COL4A3: variants seen among roughly 807,000 people sequenced by gnomAD.
COL4A3 encodes the protein collagen type IV alpha 3 chain.
COL4A3 carries 135 observed loss-of-function variants against 217.4 expected under a neutral mutation model. The ratio of observed to expected loss-of-function variants is 0.62; its 90% CI spans 0.54 to 0.72. COL4A3 has a LOEUF of 0.72. Among genes scored for constraint, COL4A3 ranks in the 30% least tolerant of loss-of-function variants. The pLI is 0.00. For synonymous variants in COL4A3, 690 were observed against 736.3 expected, an observed-to-expected ratio of 0.94 and a Z score of 1.02; for missense variants, 1,868 against 2,119.9, an observed-to-expected ratio of 0.88 and a Z score of 2.33.
rs897843395 is a variant in COL4A3 at position 227,271,078 on chromosome 2, C to T, written c.1758+126C>T. ...TCATCACTCTAACTGCAGAATGAAA[C>T]ATCTTCAAATTAGCAGGAATAACCC... On this transcript the variant is annotated intron_variant, in intron 25 of 51. Transcript: ENST00000396578. The T allele has an allele frequency of 8.4e-6, 7 of 829,320 alleles. No homozygotes were observed. In the African/African-American group the frequency reaches 1.2e-4, roughly 14 times the overall value. 51.4% of individuals were successfully genotyped at this position (829,320 alleles called of 1,614,324 possible).
chr2:227,281,295 T>C (rs767208133), intron 31 of COL4A3, among the ~76,000 whole-genome samples: 2 of 152,200 alleles, frequency 1.3e-5, no homozygotes, highest in Non-Finnish European at 2.9e-5. Flanking sequence ...TACATATATT[T>C]ATATACATAT....
chr2:227,289,911 C>A, intron 35 of COL4A3, 88 bp from the exon 36 acceptor site: 2 of 1,304,062 alleles, frequency 1.5e-6, no homozygotes, highest in Non-Finnish European at 2.2e-6. Context: ...GTTCTGCATT[C>A]ATTCATGCAT....
At chr2:227,206,303 C>A (rs1256305267) in intron 1 of COL4A3, among the ~76,000 whole-genome samples, 2 of 152,162 alleles carry the variant, frequency 1.3e-5, no homozygotes, top group Admixed American at 1.3e-4. Flanking sequence ...CAACTCCTGA[C>A]CTCAAGTGAT....
In COL4A3 at chr2:227,313,324, G is replaced by GT. The variant is rs2073806861; in HGVS notation, c.*1456dup. On this transcript the variant is annotated 3_prime_UTR_variant, in exon 52 of 52. Transcript: ENST00000396578. The stretch of plus-strand genomic sequence containing the variant: ...GATAATTCAGCAGGCCCAAGTAAAG[G>GT]TTAAAAATAAGGTCTATGCCTAGGG... The GT allele has an allele frequency of 6.6e-6, 1 of 152,544 alleles. No homozygotes were observed. The highest frequency in any genetic ancestry group is 1.5e-5 in the Non-Finnish European group (1 of 68,024). The allele number at this position is 152,544 out of a possible 1,614,324, so 9.4% of individuals were successfully genotyped here.
intron 1 of COL4A3, among the ~76,000 whole-genome samples, chr2:227,179,495 A>G (rs2065801723): frequency 6.6e-6 from 1 of 152,220 alleles, no homozygotes; most frequent in Non-Finnish European, 1.5e-5. Context: ...CTCCTTGAAG[A>G]AGTTTTCACG....
intron 1 of COL4A3, among the ~76,000 whole-genome samples, chr2:227,190,135 C>T (rs1213788519): frequency 6.6e-6 from 1 of 152,222 alleles, no homozygotes; most frequent in Non-Finnish European, 1.5e-5. Context: ...ATCTTAGCTG[C>T]AGTCACTATT....
At chr2:227,192,776 G>A (rs185451975) in intron 1 of COL4A3, among the ~76,000 whole-genome samples, 71 of 152,244 alleles carry the variant, frequency 4.7e-4, no homozygotes, top group Non-Finnish European at 9.0e-4. Context: ...AATCCTTGAC[G>A]AATCGAGTCA....
intron 1 of COL4A3, among the ~76,000 whole-genome samples, chr2:227,181,397 A>G (rs1200124336): frequency 6.6e-6 from 1 of 152,208 alleles, no homozygotes; most frequent in African/African-American, 2.4e-5. Context: ...CCTTCAGAGG[A>G]TGAATCCTTG....
At chr2:227,195,552 G>A (rs919062965) in intron 1 of COL4A3, among the ~76,000 whole-genome samples, 3 of 152,066 alleles carry the variant, frequency 2.0e-5, no homozygotes, top group Non-Finnish European at 2.9e-5. Context: ...AGTCTAGCAC[G>A]TGCAGTTATG....
intron 26 of COL4A3, among the ~76,000 whole-genome samples, chr2:227,274,236 C>T (rs901244464): frequency 6.4e-4 from 37 of 57,852 alleles, no homozygotes; most frequent in Non-Finnish European, 1.2e-3. Context: ...GATACTGTCT[C>T]AAAAATAAAT....
intron 1 of COL4A3, among the ~76,000 whole-genome samples, chr2:227,229,352 A>G (rs868020837): frequency 9.2e-5 from 14 of 152,226 alleles, no homozygotes; most frequent in South Asian, 4.1e-4. Context: ...TCTTAGGCAA[A>G]TGATATTTGG....
At chr2:227,248,710 A>G (rs560281347) in intron 9 of COL4A3, among the ~76,000 whole-genome samples, 190 bp downstream of exon 9, 1 of 152,218 alleles carries the variant, frequency 6.6e-6, no homozygotes, top group East Asian at 1.9e-4. Flanking sequence ...CTTTCACCCT[A>G]TTCTGGAAAA....
intron 22 of COL4A3, 44 bp downstream of exon 22, chr2:227,266,553 T>A: frequency 7.0e-7 from 1 of 1,430,542 alleles, no homozygotes; most frequent in South Asian, 1.2e-5. Flanking sequence ...GCCTTTTTCA[T>A]CGTCATTATT....
At chr2:227,274,523 G>A (rs1159719856) in intron 26 of COL4A3, among the ~76,000 whole-genome samples, 1 of 150,894 alleles carries the variant, frequency 6.6e-6, no homozygotes, top group Non-Finnish European at 1.5e-5. Context: ...GTCTGAGATG[G>A]AATCTTGCTC....
intron 1 of COL4A3, among the ~76,000 whole-genome samples, chr2:227,172,444 GC>G (rs1361033135): frequency 6.6e-6 from 1 of 152,000 alleles, no homozygotes; most frequent in African/African-American, 2.4e-5. Context: ...AGGTAGTTCG[GC>G]GGGGGTGGTT....
At chr2:227,296,785 A>G (rs1041408942) in intron 41 of COL4A3, among the ~76,000 whole-genome samples, 1 of 152,146 alleles carries the variant, frequency 6.6e-6, no homozygotes, top group Non-Finnish European at 1.5e-5. Flanking sequence ...AATATTCATC[A>G]ATTTTATTTT....
chr2:227,230,774 C>A (rs9288620), intron 1 of COL4A3, among the ~76,000 whole-genome samples: 48,514 of 151,782 alleles, frequency 0.32, 8,125 homozygotes, highest in Non-Finnish European at 0.36. Context: ...TATCATGAGT[C>A]TTGAGCTACT....
At chr2:227,295,123 A>C in intron 40 of COL4A3, 61 bp downstream of exon 40, 1 of 1,536,140 alleles carries the variant, frequency 6.5e-7, no homozygotes, top group African/African-American at 1.4e-5. Context: ...CATTAGTAAC[A>C]GTGTAATCCT....
chr2:227,309,409 C>T, intron 50 of COL4A3, 91 bp downstream of exon 50: 1 of 945,726 alleles, frequency 1.1e-6, no homozygotes, highest in South Asian at 1.4e-5. Context: ...AGGGTCGATG[C>T]TGCCTGCTGT....
Sources: allele counts gnomAD v4.1 joint callset (sites outside exome capture counted in the v4.1 genomes callset), GRCh38; gene constraint gnomAD v4.1.1; transcripts MANE v1.5; gene names NCBI Gene and HGNC (gene_info 2026-07-23, HGNC 2026-07-21).